HRH1: variants seen among roughly 807,000 people sequenced by gnomAD.
HRH1 encodes histamine H1 receptor.
Under a neutral mutation model 10.3 loss-of-function variants are expected in HRH1, and 6 were observed. The observed-to-expected ratio is 0.58, with a 90% CI of 0.32 to 1.15. The LOEUF (loss-of-function observed/expected upper bound fraction) is 1.15. Among genes scored for constraint, HRH1 ranks in the 50% most tolerant of loss-of-function variants. HRH1 has a pLI of 0.05. For missense variants in HRH1, 514 were observed against 615.3 expected (o/e 0.84, Z 1.74); for synonymous variants, 242 against 236.7 (o/e 1.02, Z -0.21).
intron 1 of HRH1, among the ~76,000 whole-genome samples, chr3:11,227,829 A>C (rs1293368265): frequency 2.0e-5 from 3 of 152,202 alleles, no homozygotes; most frequent in African/African-American, 7.2e-5. Flanking sequence ...AAGATTTGCT[A>C]TCAGTTACTA....
chr3:11,259,577 T>C lies in HRH1; in HGVS notation c.540T>C (p.Cys180=), dbSNP rs1335113353. Residue 180 remains cysteine, a synonymous_variant, in exon 2 of 2, where the codon TGT becomes TGC. Transcript: ENST00000431010. This position sits in a 1 kb window ranked among gnomAD's most constrained non-coding sequence, Gnocchi z 4.6. ...QQTSVRREDK[C]ETDFYDVTWF... ...CCTCGGTGCGCCGAGAGGACAAGTG[T>C]GAGACAGACTTCTATGATGTCACCT... 7 of 1,613,986 alleles carry C rather than the reference T, an allele frequency of 4.3e-6. No homozygotes were observed. In the South Asian group the frequency reaches 6.6e-5, roughly 15 times the overall value.
intron 1 of HRH1, among the ~76,000 whole-genome samples, chr3:11,204,186 A>G (rs1938034196): frequency 6.6e-6 from 1 of 152,206 alleles, no homozygotes; most frequent in Non-Finnish European, 1.5e-5. Context: ...AACAGACATG[A>G]ATGGGACCTA....
intron 1 of HRH1, among the ~76,000 whole-genome samples, chr3:11,138,110 G>A (rs1936217474): frequency 6.6e-6 from 1 of 151,704 alleles, no homozygotes; most frequent in Non-Finnish European, 1.5e-5. Flanking sequence ...CCGTCTCCCA[G>A]GTTCACACCA....
In HRH1 at chr3:11,192,276, C is replaced by A. The variant is rs545354951; in HGVS notation, c.-36+37722C>A. On this transcript the variant is annotated intron_variant, in intron 1 of 1. Coordinates refer to ENST00000431010, the MANE Select transcript of HRH1 (RefSeq NM_001098212.2). Reference sequence around the variant, plus strand: ...CAAGCACCTTGAAGCCTCCTCATGCCCCCTTCCAGGGCAGCCACTATCCTG... The same window carrying A: ...CAAGCACCTTGAAGCCTCCTCATGCACCCTTCCAGGGCAGCCACTATCCTG... Among the ~76,000 whole-genome samples the A allele has an allele frequency of 1.8e-3, 281 of 152,318 alleles. 1 individual carries two copies. Among genetic ancestry groups the A allele is most frequent in the South Asian group, 9.1e-3 (44 of 4,828 alleles).
At chr3:11,166,402 G>T (rs1433007711) in intron 1 of HRH1, among the ~76,000 whole-genome samples, 1 of 152,220 alleles carries the variant, frequency 6.6e-6, no homozygotes, top group Non-Finnish European at 1.5e-5. Flanking sequence ...CATCTATTGA[G>T]CACTTCCGGT....
chr3:11,189,069 T>C (rs1376035492), intron 1 of HRH1, among the ~76,000 whole-genome samples: 1 of 152,226 alleles, frequency 6.6e-6, no homozygotes, highest in Non-Finnish European at 1.5e-5. Flanking sequence ...CAGTTATCTC[T>C]TCTGACCTTC....
chr3:11,150,832 T>C (rs538307461), upstream of HRH1, among the ~76,000 whole-genome samples: 10 of 152,194 alleles, frequency 6.6e-5, no homozygotes, highest in African/African-American at 2.4e-4. Flanking sequence ...TCCTGTTTCC[T>C]AGAGGAGGGA....
At chr3:11,145,147 A>G (rs1361071171) in intron 1 of HRH1, among the ~76,000 whole-genome samples, 1 of 152,098 alleles carries the variant, frequency 6.6e-6, no homozygotes, top group Non-Finnish European at 1.5e-5. Context: ...CCCTTCCTCC[A>G]GAGTGGCCTC....
At chr3:11,163,080 C>T (rs1324903305) in intron 1 of HRH1, among the ~76,000 whole-genome samples, 1 of 152,086 alleles carries the variant, frequency 6.6e-6, no homozygotes, top group African/African-American at 2.4e-5. Flanking sequence ...CTGAGACAGC[C>T]TCCCCCACTG....
chr3:11,160,865 C>T (rs920306766), intron 1 of HRH1, among the ~76,000 whole-genome samples: 2 of 152,210 alleles, frequency 1.3e-5, no homozygotes, highest in African/African-American at 4.8e-5. Flanking sequence ...GAGGGCACAT[C>T]CCAACTGGGT....
chr3:11,168,152 C>CA (rs1271159174), intron 1 of HRH1, among the ~76,000 whole-genome samples: 13 of 151,980 alleles, frequency 8.6e-5, no homozygotes, highest in African/African-American at 3.1e-4. Flanking sequence ...GCATTCTGGG[C>CA]AAAGGGGACA....
intron 1 of HRH1, among the ~76,000 whole-genome samples, chr3:11,210,415 G>A (rs1938287755): frequency 6.6e-6 from 1 of 151,994 alleles, no homozygotes; most frequent in Admixed American, 6.6e-5. Context: ...TAAATAAATG[G>A]GGTTAATAAT....
Position 11,260,030 on chromosome 3 carries a change from C to T in HRH1, c.993C>T (p.Leu331=), listed in dbSNP as rs1201475307. The T allele has an allele frequency of 3.7e-6, 6 of 1,614,112 alleles. No homozygotes were observed. Among genetic ancestry groups the T allele is most frequent in the Non-Finnish European group, 5.1e-6 (6 of 1,180,014 alleles). ...YVAVNRSHGQ[L]KTDEQGLNTH... is the part of the protein sequence containing the mutation. ...CCGTCAACCGGAGCCATGGCCAGCT[C>T]AAGACAGATGAGCAGGGCCTGAACA... Residue 331 remains leucine (L), a synonymous_variant, in exon 2 of 2, where the codon CTC becomes CTT. Transcript: ENST00000431010.
intron 1 of HRH1, among the ~76,000 whole-genome samples, chr3:11,218,575 C>CATTT (rs1396865672): frequency 6.6e-6 from 1 of 152,042 alleles, no homozygotes; most frequent in African/African-American, 2.4e-5. Context: ...TTCTCTTTCT[C>CATTT]ATTTATTTAT....
At chr3:11,186,486 C>T (rs1311284880) in intron 1 of HRH1, among the ~76,000 whole-genome samples, 4 of 152,104 alleles carry the variant, frequency 2.6e-5, no homozygotes, top group Non-Finnish European at 5.9e-5. Context: ...AACTGAGGCC[C>T]CAAGAGGTGA....
At chr3:11,202,007 G>A (rs1420650474) in intron 1 of HRH1, among the ~76,000 whole-genome samples, 3 of 152,200 alleles carry the variant, frequency 2.0e-5, no homozygotes, top group Non-Finnish European at 4.4e-5. Flanking sequence ...GGAGGTCTTG[G>A]GGTAATTCAG....
chr3:11,223,183 CAAAAAA>C (rs58149660), intron 1 of HRH1, among the ~76,000 whole-genome samples: 5 of 26,784 alleles, frequency 1.9e-4, no homozygotes, highest in African/African-American at 4.3e-4. Flanking sequence ...GACTTCGTCT[CAAAAAA>C]AAAAAAAAAA....
chr3:11,169,147 G>A (rs1489669137), intron 1 of HRH1, among the ~76,000 whole-genome samples: 3 of 152,192 alleles, frequency 2.0e-5, no homozygotes, highest in Non-Finnish European at 2.9e-5. Flanking sequence ...TATGTGACTC[G>A]GAGCATGTCC....
At chr3:11,187,711 C>A (rs1424542429) in intron 1 of HRH1, among the ~76,000 whole-genome samples, 1 of 152,154 alleles carries the variant, frequency 6.6e-6, no homozygotes, top group African/African-American at 2.4e-5. Context: ...AAGCATCAAT[C>A]CTCAATCCCA....
Sources: gnomAD v4.1 joint callset for allele counts (sites outside exome capture counted in the v4.1 genomes callset) on GRCh38, gnomAD v4.1.1 for gene constraint, Gnocchi (gnomAD v3.1) non-coding constraint, MANE v1.5 for transcripts, NCBI Gene and HGNC (gene_info 2026-07-23, HGNC 2026-07-21) for gene names.